The following AMD1 variants were observed in gnomAD, a reference collection of about 807,000 sequenced individuals.
The protein encoded by AMD1 is adenosylmethionine decarboxylase 1, also known as S-adenosylmethionine decarboxylase proenzyme.
Under a neutral mutation model 40.2 loss-of-function variants are expected in AMD1, and 11 were observed. The ratio of observed to expected loss-of-function variants is 0.27; its 90% CI spans 0.17 to 0.45. The LOEUF (loss-of-function observed/expected upper bound fraction) is 0.45. Among genes scored for constraint, AMD1 ranks in the 20% least tolerant of loss-of-function variants. The probability of loss-of-function intolerance (pLI) is 1.00; values close to 1 mark genes in which losing one functional copy is unlikely to be tolerated. For missense variants in AMD1, 257 were observed against 410.2 expected, an observed-to-expected ratio of 0.63 and a Z score of 3.23; for synonymous variants, 121 against 130.8, an observed-to-expected ratio of 0.93 and a Z score of 0.51.
At chr6:110,860,325 G>GAT in the AMD1 span, among the ~76,000 whole-genome samples, 141 of 151,926 alleles carry the variant, frequency 9.3e-4, no homozygotes, top group Middle Eastern at 3.4e-3. Flanking sequence ...AGAAGAAAAA[G>GAT]ATATATATAT....
At position 110,895,017 on chromosome 6, in the gene AMD1, T is replaced by C. The variant is rs902003253; in HGVS notation, c.*1401T>C. The C allele has an allele frequency of 6.6e-6, 1 of 152,210 alleles. No individual in the cohort carries two copies. Among genetic ancestry groups the C allele is most frequent in the East Asian group, 1.9e-4 (1 of 5,200 alleles). The allele number at this position is 152,210 out of a possible 1,614,324, so 9.4% of individuals were successfully genotyped here. On this transcript the variant is annotated 3_prime_UTR_variant, in exon 9 of 9. Coordinates refer to ENST00000368885, the MANE Select transcript of AMD1 (RefSeq NM_001634.6). ...ATGGGAAATGACTAGTAATATAGGC[T>C]TTCAAGAGTTGGTACCTTTTAGCTA... is the stretch of plus-strand genomic sequence containing the variant.
the AMD1 span, among the ~76,000 whole-genome samples, chr6:110,827,021 C>A: frequency 6.6e-6 from 1 of 152,036 alleles, no homozygotes; most frequent in Admixed American, 6.6e-5. Context: ...TCCACAGACA[C>A]TAGTCATAAT....
chr6:110,892,930 C>T lies in AMD1; in HGVS notation c.729C>T (p.His243=), dbSNP rs571635812. 1.3e-5 allele frequency: 21 copies of T among 1,613,992 alleles called. No homozygotes were observed. The South Asian group carries it at 2.3e-4, about 18-fold the overall frequency. ...CTCAGGGAACTTATTGGACTATTCACATCACTCCAGAACCAGAATTTTCTT... is the reference window on the plus strand; with the variant it reads ...CTCAGGGAACTTATTGGACTATTCATATCACTCCAGAACCAGAATTTTCTT... ...MKSDGTYWTI[H]ITPEPEFSYV... The change falls in exon 8 of 9, where the codon CAC becomes CAT. Residue 243 remains histidine (H), a synonymous_variant. Coordinates refer to ENST00000368885, the MANE Select transcript of AMD1 (RefSeq NM_001634.6).
the AMD1 span, chr6:110,858,318 A>AC: frequency 1.3e-6 from 1 of 768,968 alleles, no homozygotes; most frequent in Non-Finnish European, 2.2e-6. Flanking sequence ...TGCAAATATG[A>AC]CCCCCAGAAG....
chr6:110,872,015 A>C (rs1314089967), upstream of AMD1, among the ~76,000 whole-genome samples: 1 of 152,190 alleles, frequency 6.6e-6, no homozygotes, highest in Non-Finnish European at 1.5e-5. Flanking sequence ...TTTTTTCTAG[A>C]AGGAAGGCAT....
chr6:110,884,850 G>A (rs894438689), intron 1 of AMD1, among the ~76,000 whole-genome samples: 8 of 152,202 alleles, frequency 5.3e-5, no homozygotes, highest in African/African-American at 1.9e-4. Context: ...TTGTTAGTGC[G>A]TCCAGTGGGT....
At chr6:110,861,874 A>G in the AMD1 span, among the ~76,000 whole-genome samples, 1 of 152,184 alleles carries the variant, frequency 6.6e-6, no homozygotes, top group Non-Finnish European at 1.5e-5. Flanking sequence ...ATTAAATAAA[A>G]CAAAATGAAA....
the AMD1 span, among the ~76,000 whole-genome samples, chr6:110,834,421 G>A: frequency 0.01 from 1,585 of 152,256 alleles, 30 homozygotes; most frequent in African/African-American, 0.036. Flanking sequence ...AGTGAGAAAT[G>A]TGTCATTGTT....
chr6:110,816,119 C>T, the AMD1 span, among the ~76,000 whole-genome samples: 1 of 152,176 alleles, frequency 6.6e-6, no homozygotes, highest in Admixed American at 6.5e-5. Context: ...CCTGCCTTGG[C>T]CAGAGGAGAA....
the AMD1 span, among the ~76,000 whole-genome samples, chr6:110,826,198 G>A: frequency 1.4e-5 from 2 of 147,120 alleles, no homozygotes; most frequent in Non-Finnish European, 3.0e-5. Flanking sequence ...CTTGAACCCG[G>A]GAGGTGGAGG....
At position 110,875,225 on chromosome 6, in the gene AMD1, CG is replaced by C; in HGVS notation, c.110+14del. On this transcript the variant is annotated intron_variant, in intron 1 of 8. Transcript: ENST00000368885. ...TTCGCACTATCCCAAGGTGGGTCCCCGGGGCGCTCGCTGACATCCGGGCCTG... is the reference window on the plus strand; with the variant it reads ...TTCGCACTATCCCAAGGTGGGTCCCCGGGCGCTCGCTGACATCCGGGCCTG... 2 of 1,591,536 alleles carry C rather than the reference CG, an allele frequency of 1.3e-6. No homozygotes were observed. The highest frequency in any genetic ancestry group is 1.7e-6 in the Non-Finnish European group (2 of 1,169,062).
intron 1 of AMD1, among the ~76,000 whole-genome samples, chr6:110,883,785 G>A (rs2115291096): frequency 6.6e-6 from 1 of 151,800 alleles, no homozygotes; most frequent in East Asian, 1.9e-4. Flanking sequence ...TTTTAGTAGA[G>A]ACGGGGTTTC....
At chr6:110,818,519 C>G in the AMD1 span, among the ~76,000 whole-genome samples, 11 of 151,384 alleles carry the variant, frequency 7.3e-5, no homozygotes, top group East Asian at 1.2e-3. Context: ...ATTCCAGTAT[C>G]TTATTTATAT....
At chr6:110,814,730 TC>T in the AMD1 span, 3 of 603,712 alleles carry the variant, frequency 5.0e-6, no homozygotes, top group Non-Finnish European at 9.3e-6. Flanking sequence ...CCAACTCGAG[TC>T]CCCCCGCCGT....
At chr6:110,859,239 G>A in the AMD1 span, 1 of 509,952 alleles carries the variant, frequency 2.0e-6, no homozygotes, top group South Asian at 2.3e-5. Context: ...AACCTGTTCA[G>A]TGCTGCCAAT....
At chr6:110,858,204 C>T in the AMD1 span, 1 of 691,780 alleles carries the variant, frequency 1.4e-6, no homozygotes, top group South Asian at 1.6e-5. Context: ...CCGTCTGTTT[C>T]GTCCCATCCC....
chr6:110,893,423 A>G, intron 8 of AMD1, 53 bp from the exon 9 acceptor site: 1 of 1,599,578 alleles, frequency 6.3e-7, no homozygotes, highest in Non-Finnish European at 8.5e-7. Context: ...GTTTTGGTTG[A>G]AAATACTTCT....
the AMD1 span, among the ~76,000 whole-genome samples, chr6:110,866,685 A>G: frequency 4.3e-4 from 65 of 152,102 alleles, no homozygotes; most frequent in Non-Finnish European, 6.2e-4. Context: ...TCTGGATCTT[A>G]GGAAGATAAA....
the AMD1 span, among the ~76,000 whole-genome samples, chr6:110,863,508 C>T: frequency 6.6e-6 from 1 of 151,034 alleles, no homozygotes; most frequent in Admixed American, 6.6e-5. Flanking sequence ...TATCTGGGAT[C>T]ACAGGCGTCT....
Sources: allele counts gnomAD v4.1 joint callset (sites outside exome capture counted in the v4.1 genomes callset), GRCh38; gene constraint gnomAD v4.1.1; transcripts MANE v1.5; gene names NCBI Gene and HGNC (gene_info 2026-07-23, HGNC 2026-07-21).